TSHZ2: variants seen among roughly 807,000 people sequenced by gnomAD.
TSHZ2 encodes teashirt zinc finger homeobox 2.
Under a neutral mutation model 74.4 loss-of-function variants are expected in TSHZ2, and 21 were observed. The ratio of observed to expected loss-of-function variants is 0.28; its 90% CI spans 0.20 to 0.41. TSHZ2 has a LOEUF of 0.41. Among genes scored for constraint, TSHZ2 ranks in the 10% least tolerant of loss-of-function variants. TSHZ2 has a pLI of 1.00. For synonymous variants in TSHZ2, 540 were observed against 515.3 expected, an observed-to-expected ratio of 1.05 and a Z score of -0.65; for missense variants, 1,244 against 1,293.5, an observed-to-expected ratio of 0.96 and a Z score of 0.59.
At chr20:53,346,291 G>A (rs746857034) in intron 2 of TSHZ2, among the ~76,000 whole-genome samples, 45 of 152,306 alleles carry the variant, frequency 3.0e-4, no homozygotes, top group Non-Finnish European at 5.4e-4. Context: ...TCTTGATTGA[G>A]TTTCACTGAG....
chr20:53,437,715 A>G (rs1344990701), intron 2 of TSHZ2, among the ~76,000 whole-genome samples: 1 of 151,992 alleles, frequency 6.6e-6, no homozygotes, highest in Admixed American at 6.6e-5. Context: ...GCCCAGTGGG[A>G]GGTGTTTGGG....
intron 2 of TSHZ2, among the ~76,000 whole-genome samples, chr20:53,384,724 A>T (rs1470335944): frequency 1.3e-5 from 2 of 152,274 alleles, no homozygotes; most frequent in Non-Finnish European, 2.9e-5. Context: ...ATAATGATCC[A>T]GGTGGTACCT....
At chr20:53,315,596 C>T (rs566377519) in intron 2 of TSHZ2, among the ~76,000 whole-genome samples, 1 of 152,210 alleles carries the variant, frequency 6.6e-6, no homozygotes, top group South Asian at 2.1e-4. Context: ...TTCCTTTCTC[C>T]TTTAGGTTTT....
intron 1 of TSHZ2, among the ~76,000 whole-genome samples, chr20:52,978,934 A>T (rs1404173601): frequency 6.6e-6 from 1 of 152,062 alleles, no homozygotes; most frequent in Non-Finnish European, 1.5e-5. Context: ...TTTTTCAGTA[A>T]TTTGTAACAA....
chr20:53,323,220 A>C (rs1324877897), intron 2 of TSHZ2, among the ~76,000 whole-genome samples: 2 of 152,346 alleles, frequency 1.3e-5, no homozygotes, highest in Non-Finnish European at 2.9e-5. Context: ...TGAGGCACCT[A>C]TCTGAGCTGC....
chr20:53,114,097 TGAAAAAAAAAAAAA>T (rs1159844864), intron 1 of TSHZ2, among the ~76,000 whole-genome samples: 1 of 128,262 alleles, frequency 7.8e-6, no homozygotes, highest in Non-Finnish European at 1.6e-5. Context: ...CTGTCTCTTA[TGAAAAAAAAAAAAA>T]GAAAGAAAAA....
chr20:53,033,998 C>G (rs901509955), intron 1 of TSHZ2, among the ~76,000 whole-genome samples: 5 of 152,204 alleles, frequency 3.3e-5, no homozygotes, highest in African/African-American at 1.2e-4. Context: ...TTTTGGCAGC[C>G]TTATAGACTC....
intron 1 of TSHZ2, among the ~76,000 whole-genome samples, chr20:52,995,694 C>T (rs1010228758): frequency 6.6e-6 from 1 of 150,652 alleles, no homozygotes; most frequent in Non-Finnish European, 1.5e-5. Context: ...CTCACTGCAA[C>T]CTCTGCCTTT....
At chr20:53,157,305 G>C (rs1987818639) in intron 1 of TSHZ2, among the ~76,000 whole-genome samples, 1 of 151,732 alleles carries the variant, frequency 6.6e-6, no homozygotes. Flanking sequence ...CAGTGGGTTT[G>C]AACAGAATTA....
intron 1 of TSHZ2, among the ~76,000 whole-genome samples, chr20:52,996,297 C>T (rs1367494551): frequency 2.7e-5 from 4 of 149,646 alleles, no homozygotes; most frequent in Non-Finnish European, 5.9e-5. Context: ...TCTCAACTTT[C>T]CTTTCAGGTT....
intron 1 of TSHZ2, among the ~76,000 whole-genome samples, chr20:53,063,233 A>C (rs2123172040): frequency 6.6e-6 from 1 of 152,332 alleles, no homozygotes; most frequent in East Asian, 1.9e-4. Context: ...ATTTGTAAAA[A>C]GTTCAAGCTT....
At chr20:53,323,563 CTTTTTTTTTTTTTTTTTTTTT>C (rs34687825) in intron 2 of TSHZ2, among the ~76,000 whole-genome samples, 1 of 36,662 alleles carries the variant, frequency 2.7e-5, no homozygotes, top group African/African-American at 1.2e-4. Flanking sequence ...CCTTGGAGGG[CTTTTTTTTTTTTTTTTTTTTT>C]TTTTTTTTTT....
chr20:53,310,175 A>G (rs541504684), intron 2 of TSHZ2, among the ~76,000 whole-genome samples: 53 of 152,368 alleles, frequency 3.5e-4, no homozygotes, highest in South Asian at 4.1e-4. Context: ...AGCTAGTCCA[A>G]CGTTTCATTT....
intron 1 of TSHZ2, among the ~76,000 whole-genome samples, chr20:53,101,654 A>G (rs907887386): frequency 2.0e-5 from 3 of 152,184 alleles, no homozygotes; most frequent in Non-Finnish European, 4.4e-5. Flanking sequence ...TTTTTATTAT[A>G]TTCTATTGAG....
Position 53,036,557 on chromosome 20 carries a change from AAG to A in TSHZ2, c.40+63226_40+63227del, listed in dbSNP as rs1306102507. Among the ~76,000 whole-genome samples, 6 of 150,156 alleles carry A rather than the reference AAG, an allele frequency of 4.0e-5. No individual in the cohort carries two copies. The South Asian group carries it at 8.4e-4, about 21-fold the overall frequency. On this transcript the variant is annotated intron_variant, in intron 1 of 2. Transcript: ENST00000371497. The stretch of plus-strand genomic sequence containing the variant: ...ATATATTAGAAAGAATTAGAAATAA[AAG>A]AAGTTTTAAAAAGTAAAAATGTATT...
In TSHZ2 at chr20:53,254,191, C is replaced by A; in HGVS notation, c.733C>A (p.Arg245Ser). 1.2e-6 allele frequency: 2 copies of A among 1,614,052 alleles called. No homozygotes were observed. The highest frequency in any genetic ancestry group is 1.7e-6 in the Non-Finnish European group (2 of 1,180,024). The part of the protein sequence containing the change: ...NETGHYQDDN[R>S]KKDKLRPTSY... ...AACGGGCCACTATCAAGATGACAAC[C>A]GCAAAAAGGACAAGCTCAGACCCAC... The change falls in exon 2 of 3, where the codon CGC becomes AGC. Residue 245 changes from arginine (R) to serine (S), a missense_variant. This residue lies in a region of TSHZ2 where 470 missense variants were observed against 456.5 expected (regional missense o/e 1.03). Coordinates refer to ENST00000371497, the MANE Select transcript of TSHZ2 (RefSeq NM_173485.6).
intron 2 of TSHZ2, among the ~76,000 whole-genome samples, chr20:53,481,037 A>ATATT (rs3042256): frequency 0.25 from 30,096 of 122,622 alleles, 3,122 homozygotes; most frequent in East Asian, 0.38. Context: ...GTAGCTCAAT[A>ATATT]TATTAGAAAA....
At chr20:53,377,755 C>T (rs1200600949) in intron 2 of TSHZ2, among the ~76,000 whole-genome samples, 1 of 152,080 alleles carries the variant, frequency 6.6e-6, no homozygotes. Context: ...CCCAGTTACT[C>T]GAGAGGCTGA....
chr20:53,181,757 G>A (rs1375239695), intron 1 of TSHZ2, among the ~76,000 whole-genome samples: 1 of 152,096 alleles, frequency 6.6e-6, no homozygotes, highest in East Asian at 1.9e-4. Context: ...GCGTGGTGGT[G>A]GGCGCCTGTA....
Sources: allele counts gnomAD v4.1 joint callset (sites outside exome capture counted in the v4.1 genomes callset), GRCh38; gene constraint gnomAD v4.1.1; regional missense constraint gnomAD v4.1.1; transcripts MANE v1.5; gene names NCBI Gene and HGNC (gene_info 2026-07-23, HGNC 2026-07-21).